Variants in CTNNA2 observed in about 807,000 individuals in gnomAD.
CTNNA2 encodes catenin alpha 2, also known as catenin alpha-2.
A neutral mutation model predicts 101.0 loss-of-function variants in CTNNA2; 42 were observed. That is an observed-to-expected ratio of 0.42 (90% CI 0.32 to 0.54). The LOEUF (loss-of-function observed/expected upper bound fraction) is 0.54, where lower values mean the gene tolerates loss of function less well. Ranked by LOEUF, CTNNA2 falls within the 20% of genes least tolerant of loss-of-function variation. CTNNA2 has a pLI of 0.14. For synonymous variants in CTNNA2, 450 were observed against 456.4 expected (o/e 0.99, Z 0.18); for missense variants, 871 against 1,223.1 (o/e 0.71, Z 4.29).
At chr2:79,823,285 G>A (rs1464973961) in intron 3 of CTNNA2, among the ~76,000 whole-genome samples, 2 of 152,164 alleles carry the variant, frequency 1.3e-5, no homozygotes, top group Admixed American at 1.3e-4. Flanking sequence ...TAGGATATTT[G>A]TGAATATCTA....
At chr2:79,944,435 G>A (rs1286801376) in intron 7 of CTNNA2, among the ~76,000 whole-genome samples, 7 of 152,264 alleles carry the variant, frequency 4.6e-5, no homozygotes, top group Non-Finnish European at 8.8e-5. Flanking sequence ...GGACTTCTAG[G>A]AGTTTACTCA....
chr2:80,568,220 G>A (rs1229426122), intron 12 of CTNNA2, among the ~76,000 whole-genome samples: 4 of 152,136 alleles, frequency 2.6e-5, no homozygotes, highest in East Asian at 1.9e-4. Flanking sequence ...TAAATGACTC[G>A]TGATACTTTT....
At chr2:80,591,455 C>CTTTTTTTTTTTTTTTTTTT (rs1553401282) in intron 15 of CTNNA2, among the ~76,000 whole-genome samples, 3 of 57,574 alleles carry the variant, frequency 5.2e-5, no homozygotes, top group African/African-American at 1.2e-4. Flanking sequence ...TCTGCACAGC[C>CTTTTTTTTTTTTTTTTTTT]TGTTTTTTTT....
intron 3 of CTNNA2, among the ~76,000 whole-genome samples, chr2:79,823,960 G>A (rs1678220157): frequency 6.6e-6 from 1 of 152,096 alleles, no homozygotes; most frequent in South Asian, 2.1e-4. Context: ...AGCCAAAACA[G>A]TGCTAAATGC....
At chr2:79,581,424 T>C (rs920941842) in intron 1 of CTNNA2, among the ~76,000 whole-genome samples, 2 of 151,806 alleles carry the variant, frequency 1.3e-5, no homozygotes, top group African/African-American at 4.8e-5. Flanking sequence ...ACTAGGGAGG[T>C]TGAGGCAGGA....
In CTNNA2 at chr2:79,280,701, G is replaced by GAGAGAC. The variant is rs142826852; in HGVS notation, c.-405-32007_-405-32006insGAGACA. On this transcript the variant is annotated intron_variant, in intron 2 of 21. Coordinates refer to the CTNNA2 transcript ENST00000466387. ...AGAGAGAGAAAGAGAGAGAGAGAGAGACCTATAGCTCCCAGATCTCTTTGG... is the reference window on the plus strand; with the variant it reads ...AGAGAGAGAAAGAGAGAGAGAGAGAGAGAGACACCTATAGCTCCCAGATCTCTTTGG... Among the ~76,000 whole-genome samples the GAGAGAC allele has an allele frequency of 7.9e-4, 117 of 147,362 alleles. 2 individuals are homozygous for GAGAGAC. The highest frequency in any genetic ancestry group is 6.9e-3 in the Middle Eastern group (2 of 290).
At chr2:80,316,135 A>G in intron 7 of CTNNA2, among the ~76,000 whole-genome samples, 1 of 152,232 alleles carries the variant, frequency 6.6e-6, no homozygotes, top group East Asian at 1.9e-4. Flanking sequence ...CCTTCTGCAC[A>G]ACTGAAACAG....
At chr2:79,840,693 G>A (rs1679728731) in intron 3 of CTNNA2, among the ~76,000 whole-genome samples, 1 of 152,104 alleles carries the variant, frequency 6.6e-6, no homozygotes, top group Admixed American at 6.5e-5. Flanking sequence ...AGTCCCCGGG[G>A]AGGCCAAGGT....
intron 2 of CTNNA2, among the ~76,000 whole-genome samples, chr2:79,738,672 A>C (rs1671073730): frequency 6.6e-6 from 1 of 152,220 alleles, no homozygotes; most frequent in African/African-American, 2.4e-5. Flanking sequence ...AGTCAACGGC[A>C]CTAAATGTGG....
chr2:80,271,651 T>C (rs867942647), intron 7 of CTNNA2, among the ~76,000 whole-genome samples: 5 of 152,140 alleles, frequency 3.3e-5, no homozygotes, highest in Non-Finnish European at 2.9e-5. Context: ...CTCGATCTCC[T>C]GACCTCGTGA....
rs78222612 is a variant in CTNNA2, at chr2:80,140,811, G to C, written c.1056+231014G>C. Reference sequence around the variant, plus strand: ...ATTTCTCCCAATCCCAGCAAAAGCAGAGAAACCCCATCATATCCATCCCAA... The same window carrying C: ...ATTTCTCCCAATCCCAGCAAAAGCACAGAAACCCCATCATATCCATCCCAA... On this transcript the variant is annotated intron_variant, in intron 7 of 18. Coordinates refer to ENST00000402739, the MANE Select transcript of CTNNA2 (RefSeq NM_001282597.3). Among the ~76,000 whole-genome samples the C allele has an allele frequency of 4.1e-3, 630 of 152,184 alleles. 2 individuals carry two copies. The highest frequency in any genetic ancestry group is 0.02 in the East Asian group (103 of 5,144).
intron 2 of CTNNA2, among the ~76,000 whole-genome samples, chr2:79,659,866 G>A (rs1376404907): frequency 6.6e-6 from 1 of 152,066 alleles, no homozygotes; most frequent in Admixed American, 6.6e-5. Flanking sequence ...TCCAGGTGTG[G>A]TGGCACATGC....
chr2:80,170,225 C>G (rs999781058), intron 7 of CTNNA2, among the ~76,000 whole-genome samples: 3 of 151,088 alleles, frequency 2.0e-5, no homozygotes, highest in South Asian at 2.1e-4. Context: ...CTCTCTCTCT[C>G]TCTCTCTGTG....
chr2:79,758,250 G>GATAT (rs1321274940), intron 3 of CTNNA2, among the ~76,000 whole-genome samples: 2 of 151,952 alleles, frequency 1.3e-5, no homozygotes, highest in African/African-American at 2.4e-5. Flanking sequence ...AAATGCATTC[G>GATAT]ATATAAACAT....
chr2:80,449,963 T>C (rs1273145472), intron 9 of CTNNA2, among the ~76,000 whole-genome samples: 3 of 152,242 alleles, frequency 2.0e-5, no homozygotes, highest in African/African-American at 7.2e-5. Flanking sequence ...GTGATTGTGG[T>C]TGAATTTCCT....
At chr2:79,227,080 GTTA>G (rs935430443) in intron 2 of CTNNA2, among the ~76,000 whole-genome samples, 2 of 152,086 alleles carry the variant, frequency 1.3e-5, no homozygotes, top group African/African-American at 2.4e-5. Context: ...ACCTGGGAGG[GTTA>G]TCACATTCAG....
intron 2 of CTNNA2, among the ~76,000 whole-genome samples, chr2:79,690,911 T>C (rs1684252204): frequency 6.6e-6 from 1 of 151,826 alleles, no homozygotes; most frequent in Non-Finnish European, 1.5e-5. Flanking sequence ...GGTTATTTTG[T>C]TTTTATTTGC....
intron 3 of CTNNA2, among the ~76,000 whole-genome samples, chr2:79,769,214 C>G (rs1362398875): frequency 6.6e-6 from 1 of 152,020 alleles, no homozygotes; most frequent in Non-Finnish European, 1.5e-5. Context: ...AAAAAATGTC[C>G]AAAAATGTTG....
At chr2:80,386,478 T>G (rs1294204741) in intron 7 of CTNNA2, among the ~76,000 whole-genome samples, 5 of 152,208 alleles carry the variant, frequency 3.3e-5, no homozygotes, top group African/African-American at 1.2e-4. Flanking sequence ...TGGTGCTATT[T>G]GTACTAAGGA....
Sources: gnomAD v4.1 joint callset for allele counts (sites outside exome capture counted in the v4.1 genomes callset) on GRCh38, gnomAD v4.1.1 for gene constraint, MANE v1.5 for transcripts, NCBI Gene and HGNC (gene_info 2026-07-23, HGNC 2026-07-21) for gene names.